Variants in SUPT20HL2 observed in about 807,000 individuals in gnomAD.
SUPT20HL2 encodes the protein transcription factor SPT20 homolog-like 2.
For synonymous variants in SUPT20HL2, 125 were observed against 51.6 expected (o/e 2.42, Z -6.10); for missense variants, 288 against 127.4 (o/e 2.26, Z -6.07).
chrX:24,313,415 A>C lies in SUPT20HL2; in HGVS notation c.-100T>G, dbSNP rs759633653. ...TCATATTAATCTACAGGCCCGCAAG[A>C]CGCCGCAAGTCCACACTGAGTTCAA... On this transcript the variant is annotated 5_prime_UTR_variant, in exon 1 of 1. Coordinates refer to ENST00000486479, the MANE Select transcript of SUPT20HL2 (RefSeq NM_001136233.3). 2.2e-4 allele frequency: 73 copies of C among 336,160 alleles called. No homozygotes were observed. Among genetic ancestry groups the C allele is most frequent in the African/African-American group, 1.8e-3 (67 of 37,688 alleles). The allele number at this position is 336,160 out of a possible 1,213,427, so 27.7% of individuals were successfully genotyped here.
In SUPT20HL2 at chrX:24,310,739, AGTGT is replaced by A. The variant is rs1355934824; in HGVS notation, c.*119_*122del. The A allele has an allele frequency of 2.7e-5, 7 of 263,417 alleles. No homozygotes were observed. The highest frequency in any genetic ancestry group is 2.0e-4 in the African/African-American group (7 of 34,946). 21.7% of individuals were successfully genotyped at this position (263,417 alleles called of 1,213,427 possible). On this transcript the variant is annotated 3_prime_UTR_variant, in exon 1 of 1. Transcript: ENST00000486479. ...ATCGGTGGATTGTGCTTCTGTGTAA[AGTGT>A]GTATTTTAAAATGTAAAATACCAAA...
chrX:24,309,746 G>GAAAAAAAAAA lies in SUPT20HL2; in HGVS notation c.*1106_*1115dup. Among the ~76,000 whole-genome samples, 9 of 21,794 alleles carry GAAAAAAAAAA rather than the reference G, an allele frequency of 4.1e-4. No individual in the cohort carries two copies. Among genetic ancestry groups the GAAAAAAAAAA allele is most frequent in the Non-Finnish European group, 5.5e-4 (8 of 14,581 alleles). 18.9% of individuals were successfully genotyped at this position (21,794 alleles called of 115,157 possible). A position where few individuals can be genotyped will look rare whatever the true frequency, so the allele number is the denominator to read the frequency against. On this transcript the variant is annotated 3_prime_UTR_variant, in exon 1 of 1. Transcript: ENST00000486479. ...AAAATAATAAAAATAAAAAAAAAAA[G>GAAAAAAAAAA]AAAAAAAAAAAAAAAAAAAAAAACA...
In SUPT20HL2 at chrX:24,310,164, C is replaced by T. The variant is rs1939109914; in HGVS notation, c.*698G>A. ...AGACAGCAGGGATAAATCATGAGGA[C>T]ATTATGCCAAGTGAGATAAGCCACT... On this transcript the variant is annotated 3_prime_UTR_variant, in exon 1 of 1. Coordinates refer to ENST00000486479, the MANE Select transcript of SUPT20HL2 (RefSeq NM_001136233.3). Among the ~76,000 whole-genome samples the T allele has an allele frequency of 1.8e-5, 2 of 111,502 alleles. No individual in the cohort carries two copies. Among genetic ancestry groups the T allele is most frequent in the African/African-American group, 3.3e-5 (1 of 30,597 alleles).
At position 24,311,458 on chromosome X, in the gene SUPT20HL2, G is replaced by A. The variant is rs1347256409; in HGVS notation, c.1858C>T (p.Leu620=). 4 of 386,428 alleles carry A rather than the reference G, an allele frequency of 1.0e-5. No individual in the cohort carries two copies. Among genetic ancestry groups the A allele is most frequent in the Non-Finnish European group, 2.1e-5 (4 of 192,534 alleles). The allele number at this position is 386,428 out of a possible 1,213,427, so 31.8% of individuals were successfully genotyped here. A position where few individuals can be genotyped will look rare whatever the true frequency, so the allele number is the denominator to read the frequency against. Residue 620 remains leucine, a synonymous_variant, in exon 1 of 1, where the codon CTA becomes TTA. Transcript: ENST00000486479. ...GSGLQSSGGP[L]PDARPGAVQA... ...ACTGCACCGGGCCTTGCATCTGGTA[G>A]TGGACCTCCTGAGGACTGAAGGCCA...
rs1939100729 is a variant in SUPT20HL2 at position 24,309,743 on chromosome X, A to C, written c.*1119T>G. On this transcript the variant is annotated 3_prime_UTR_variant, in exon 1 of 1. Coordinates refer to ENST00000486479, the MANE Select transcript of SUPT20HL2 (RefSeq NM_001136233.3). ...AAAAAAATAATAAAAATAAAAAAAA[A>C]AAGAAAAAAAAAAAAAAAAAAAAAA... Among the ~76,000 whole-genome samples, 1 of 49,014 alleles carries C rather than the reference A, an allele frequency of 2.0e-5. No individual in the cohort carries two copies. The highest frequency in any genetic ancestry group is 9.2e-5 in the African/African-American group (1 of 10,918). 42.6% of individuals were successfully genotyped at this position (49,014 alleles called of 115,157 possible).
Position 24,310,531 on chromosome X carries a change from T to C in SUPT20HL2, c.*331A>G, listed in dbSNP as rs892532348. ...TGTTAAAATATTAACTTAACATTGT[T>C]GGTACTGCCATTTTATGGCTCTAGA... On this transcript the variant is annotated 3_prime_UTR_variant, in exon 1 of 1. Coordinates refer to ENST00000486479, the MANE Select transcript of SUPT20HL2 (RefSeq NM_001136233.3). Among the ~76,000 whole-genome samples, 6 of 112,640 alleles carry C rather than the reference T, an allele frequency of 5.3e-5. No homozygotes were observed. Among genetic ancestry groups the C allele is most frequent in the Non-Finnish European group, 1.1e-4 (6 of 53,385 alleles).
In SUPT20HL2 at chrX:24,313,687, G is replaced by A. The variant is rs1309633987; in HGVS notation, c.-372C>T. On this transcript the variant is annotated 5_prime_UTR_variant, in exon 1 of 1. Transcript: ENST00000486479. ...GGTTTCTGAAAACATCGGTACCTGA[G>A]GGGTCGTCGTCGTGGCCCGGGCTTC... Among the ~76,000 whole-genome samples the A allele has an allele frequency of 2.1e-5, 2 of 97,308 alleles. No homozygotes were observed. Among genetic ancestry groups the A allele is most frequent in the South Asian group, 5.4e-4 (1 of 1,865 alleles). The allele number at this position is 97,308 out of a possible 115,157, so 84.5% of individuals were successfully genotyped here. A position where few individuals can be genotyped will look rare whatever the true frequency, so the allele number is the denominator to read the frequency against.
chrX:24,309,691 TTAAAAAAAAA>T lies in SUPT20HL2; in HGVS notation c.*1161_*1170del, dbSNP rs1224746363. Among the ~76,000 whole-genome samples, 2 of 24,845 alleles carry T rather than the reference TTAAAAAAAAA, an allele frequency of 8.0e-5. No individual in the cohort carries two copies. Among genetic ancestry groups the T allele is most frequent in the African/African-American group, 4.4e-4 (2 of 4,589 alleles). 21.6% of individuals were successfully genotyped at this position (24,845 alleles called of 115,157 possible). ...TTAGAGTATAATAAAAAAAAAAAAA[TTAAAAAAAAA>T]AATTAAAAAAAAAAAGAAAAAAATA... On this transcript the variant is annotated 3_prime_UTR_variant, in exon 1 of 1. Transcript: ENST00000486479.
In SUPT20HL2 at chrX:24,311,939, T is replaced by A; in HGVS notation, c.1377A>T (p.Lys459Asn). 2.6e-6 allele frequency: 1 copy of A among 382,355 alleles called. No individual in the cohort carries two copies. Among genetic ancestry groups the A allele is most frequent in the Non-Finnish European group, 5.2e-6 (1 of 190,576 alleles). The allele number at this position is 382,355 out of a possible 1,213,427, so 31.5% of individuals were successfully genotyped here. A position where few individuals can be genotyped will look rare whatever the true frequency, so the allele number is the denominator to read the frequency against. Residue 459 changes from lysine to asparagine, a missense_variant, in exon 1 of 1, where the codon AAA becomes AAT. Lys to Asn is a moderately conservative substitution (Grantham distance 94, BLOSUM62 0). Coordinates refer to ENST00000486479, the MANE Select transcript of SUPT20HL2 (RefSeq NM_001136233.3). The stretch of plus-strand genomic sequence containing the variant: ...GAAGTTGGGTGCGGGGAGGTGGATG[T>A]TTCTCTCCCTTCCCGGATACTGAAG... ...VQSSVSGKGE[K>N]HPPPRTQLPS...
rs760483239 is a variant in SUPT20HL2, at chrX:24,312,636, T to C, written c.680A>G (p.Lys227Arg). Reference sequence around the variant, plus strand: ...CATCGGGTCGGTATTCATCTTTTGCTTGTTGTACAGCAGCCTGTTTGCAGT... The same window carrying C: ...CATCGGGTCGGTATTCATCTTTTGCCTGTTGTACAGCAGCCTGTTTGCAGT... Reference protein sequence around the residue: ...ACTANRLLYNKQKMNTDPMEQ... With the variant: ...ACTANRLLYNRQKMNTDPMEQ... The change falls in exon 1 of 1, where the codon AAG becomes AGG. Residue 227 changes from lysine to arginine, a missense_variant. By Grantham distance (26) the Lys-to-Arg change is conservative. Coordinates refer to ENST00000486479, the MANE Select transcript of SUPT20HL2 (RefSeq NM_001136233.3). 4 of 385,103 alleles carry C rather than the reference T, an allele frequency of 1.0e-5. No homozygotes were observed. The highest frequency in any genetic ancestry group is 2.6e-5 in the African/African-American group (1 of 39,049). 31.7% of individuals were successfully genotyped at this position (385,103 alleles called of 1,213,427 possible). A position where few individuals can be genotyped will look rare whatever the true frequency, so the allele number is the denominator to read the frequency against.
chrX:24,311,782 CAGG>C lies in SUPT20HL2; in HGVS notation c.1531_1533del (p.Pro511del), dbSNP rs1569196364. On this transcript the variant is annotated inframe_deletion, in exon 1 of 1. Transcript: ENST00000486479. ...GCAGCAGCTAAAGCAGGAGCAGCAG[CAGG>C]AGCAGGAGCAGGAGCAGGAGCAGCA... 1.5e-5 allele frequency: 5 copies of C among 328,876 alleles called. No individual in the cohort carries two copies. The highest frequency in any genetic ancestry group is 1.1e-4 in the African/African-American group (4 of 35,571). The allele number at this position is 328,876 out of a possible 1,213,427, so 27.1% of individuals were successfully genotyped here.
At position 24,311,803 on chromosome X, in the gene SUPT20HL2, GAGCAGCAGCAGCTACAGCAGGAGC is replaced by G. The variant is rs1569196387; in HGVS notation, c.1489_1512del (p.Ala497_Ala504del). 16 of 336,468 alleles carry G rather than the reference GAGCAGCAGCAGCTACAGCAGGAGC, an allele frequency of 4.8e-5. No homozygotes were observed. Among genetic ancestry groups the G allele is most frequent in the Non-Finnish European group, 9.6e-5 (16 of 167,318 alleles). 27.7% of individuals were successfully genotyped at this position (336,468 alleles called of 1,213,427 possible). A position where few individuals can be genotyped will look rare whatever the true frequency, so the allele number is the denominator to read the frequency against. ...GCAGCAGGAGCAGGAGCAGGAGCAG[GAGCAGCAGCAGCTACAGCAGGAGC>G]AGCAGCAGGAAATGGACGCTTAAGA... On this transcript the variant is annotated inframe_deletion, in exon 1 of 1. Transcript: ENST00000486479.
Position 24,309,746 on chromosome X carries a change from G to GAAAAAAAAAAAAAAA in SUPT20HL2, c.*1101_*1115dup. Among the ~76,000 whole-genome samples, 21 of 21,789 alleles carry GAAAAAAAAAAAAAAA rather than the reference G, an allele frequency of 9.6e-4. 2 individuals are homozygous for GAAAAAAAAAAAAAAA. The highest frequency in any genetic ancestry group is 4.1e-3 in the East Asian group (2 of 486). 18.9% of individuals were successfully genotyped at this position (21,789 alleles called of 115,157 possible). A position where few individuals can be genotyped will look rare whatever the true frequency, so the allele number is the denominator to read the frequency against. On this transcript the variant is annotated 3_prime_UTR_variant, in exon 1 of 1. Coordinates refer to ENST00000486479, the MANE Select transcript of SUPT20HL2 (RefSeq NM_001136233.3). ...AAAATAATAAAAATAAAAAAAAAAA[G>GAAAAAAAAAAAAAAA]AAAAAAAAAAAAAAAAAAAAAAACA...
In SUPT20HL2 at chrX:24,312,731, A is replaced by C; in HGVS notation, c.585T>G (p.Pro195=). 1 of 387,069 alleles carries C rather than the reference A, an allele frequency of 2.6e-6. No individual in the cohort carries two copies. The highest frequency in any genetic ancestry group is 5.2e-6 in the Non-Finnish European group (1 of 192,615). 31.9% of individuals were successfully genotyped at this position (387,069 alleles called of 1,213,427 possible). A position where few individuals can be genotyped will look rare whatever the true frequency, so the allele number is the denominator to read the frequency against. The part of the protein sequence containing the change: ...GEKWSQEDKF[P]LESQLILATA... Reference sequence around the variant, plus strand: ...TCGCTAAGATCAGTTGACTCTCAAGAGGAAATTTGTCTTCCTGGCTCCATT... The same window carrying C: ...TCGCTAAGATCAGTTGACTCTCAAGCGGAAATTTGTCTTCCTGGCTCCATT... Residue 195 remains proline (P), a synonymous_variant, in exon 1 of 1, where the codon CCT becomes CCG. Transcript: ENST00000486479.
At position 24,308,237 on chromosome X, in the gene SUPT20HL2, T is replaced by C. The variant is rs1939082605; in HGVS notation, c.*2625A>G. 2.7e-6 allele frequency: 1 copy of C among 373,425 alleles called. No individual in the cohort carries two copies. The highest frequency in any genetic ancestry group is 5.2e-6 in the Non-Finnish European group (1 of 192,232). The allele number at this position is 373,425 out of a possible 1,213,427, so 30.8% of individuals were successfully genotyped here. Reference sequence around the variant, plus strand: ...ATAATCAGAAACAAAACTAAATTTATTTGCCTGCCTGGGAAGGGAAGGTCA... The same window carrying C: ...ATAATCAGAAACAAAACTAAATTTACTTGCCTGCCTGGGAAGGGAAGGTCA... On this transcript the variant is annotated 3_prime_UTR_variant, in exon 1 of 1. Transcript: ENST00000486479.
Position 24,309,997 on chromosome X carries a change from A to G in SUPT20HL2, c.*865T>C, listed in dbSNP as rs1569195779. ...AATGAATGTGTAATAATTCCATTCCATATATTGTGCATAAACCTATTAATG... is the reference window on the plus strand; with the variant it reads ...AATGAATGTGTAATAATTCCATTCCGTATATTGTGCATAAACCTATTAATG... On this transcript the variant is annotated 3_prime_UTR_variant, in exon 1 of 1. Transcript: ENST00000486479. Among the ~76,000 whole-genome samples the G allele has an allele frequency of 1.8e-5, 2 of 110,744 alleles. No homozygotes were observed. Among genetic ancestry groups the G allele is most frequent in the Non-Finnish European group, 3.8e-5 (2 of 52,954 alleles).
chrX:24,313,654 T>C lies in SUPT20HL2; in HGVS notation c.-339A>G, dbSNP rs1250203061. 1.1e-5 allele frequency among the ~76,000 whole-genome samples: 1 copy of C among 94,208 alleles called. No individual in the cohort carries two copies. The highest frequency in any genetic ancestry group is 4.0e-5 in the African/African-American group (1 of 24,899). 81.8% of individuals were successfully genotyped at this position (94,208 alleles called of 115,157 possible). On this transcript the variant is annotated 5_prime_UTR_variant, in exon 1 of 1. Transcript: ENST00000486479. ...GCCCCCAGGGAAGCGCTACCCAATC[T>C]GTTTGAGGGTTTCTGAAAACATCGG...
At position 24,309,734 on chromosome X, in the gene SUPT20HL2, T is replaced by TAAAAAAAAAAAAAAAAAAAAAAAA. The variant is rs1429702092; in HGVS notation, c.*1127_*1128insTTTTTTTTTTTTTTTTTTTTTTTT. 1.3e-4 allele frequency among the ~76,000 whole-genome samples: 2 copies of TAAAAAAAAAAAAAAAAAAAAAAAA among 15,705 alleles called. No homozygotes were observed. Among genetic ancestry groups the TAAAAAAAAAAAAAAAAAAAAAAAA allele is most frequent in the Admixed American group, 1.1e-3 (1 of 932 alleles). The allele number at this position is 15,705 out of a possible 115,157, so 13.6% of individuals were successfully genotyped here. ...AAAAAAAAGAAAAAAATAATAAAAA[T>TAAAAAAAAAAAAAAAAAAAAAAAA]AAAAAAAAAAAGAAAAAAAAAAAAA... On this transcript the variant is annotated 3_prime_UTR_variant, in exon 1 of 1. Coordinates refer to ENST00000486479, the MANE Select transcript of SUPT20HL2 (RefSeq NM_001136233.3).
rs1939153139 is a variant in SUPT20HL2, at chrX:24,313,366, T to C, written c.-51A>G. The stretch of plus-strand genomic sequence containing the variant: ...AGGAGAGAAAACGCATGTGCGTTGG[T>C]GAAGCAGGGTGGAATCACGGCTGTC... On this transcript the variant is annotated 5_prime_UTR_variant, in exon 1 of 1. Coordinates refer to ENST00000486479, the MANE Select transcript of SUPT20HL2 (RefSeq NM_001136233.3). The C allele has an allele frequency of 9.2e-6, 3 of 327,132 alleles. No homozygotes were observed. Among genetic ancestry groups the C allele is most frequent in the Non-Finnish European group, 1.8e-5 (3 of 166,818 alleles). 27.0% of individuals were successfully genotyped at this position (327,132 alleles called of 1,213,427 possible). A position where few individuals can be genotyped will look rare whatever the true frequency, so the allele number is the denominator to read the frequency against.
Sources: allele counts gnomAD v4.1 joint callset (sites outside exome capture counted in the v4.1 genomes callset), GRCh38; gene constraint gnomAD v4.1.1; transcripts MANE v1.5; gene names NCBI Gene and HGNC (gene_info 2026-07-23, HGNC 2026-07-21).